Variants in NAV1 observed in about 807,000 individuals in gnomAD.
The protein encoded by NAV1 is pore membrane and/or filament interacting like protein 3.
In NAV1, 18 loss-of-function variants were observed where a neutral mutation model predicts 175.2. That is an observed-to-expected ratio of 0.10 (90% CI 0.07 to 0.15). The LOEUF is 0.15. NAV1 is among the 10% of genes least tolerant of loss of function. NAV1 has a pLI of 1.00. For synonymous variants in NAV1, 897 were observed against 978.7 expected (o/e 0.92, Z 1.56); for missense variants, 1,731 against 2,436.6 (o/e 0.71, Z 6.10).
rs1234759085 is a variant in NAV1 at position 201,740,091 on chromosome 1, C to A, written c.1226+21336C>A. 2 of 1,437,796 alleles carry A rather than the reference C, an allele frequency of 1.4e-6. No homozygotes were observed. The highest frequency in any genetic ancestry group is 2.9e-5 in the Admixed American group (1 of 33,926). 89.1% of individuals were successfully genotyped at this position (1,437,796 alleles called of 1,614,324 possible). On this transcript the variant is annotated intron_variant, in intron 3 of 29. Transcript: ENST00000367296. The surrounding 1 kb of genome is among the most constrained non-coding windows in gnomAD (Gnocchi z 4.7). ...TTCCCCCGCAGGTAAGCGCCCCCAC[C>A]CCCCTGGCCTCACCGCCAGACCGCA...
chr1:201,551,449 G>T (rs1486664613), intron 1 of NAV1, among the ~76,000 whole-genome samples: 2 of 152,074 alleles, frequency 1.3e-5, no homozygotes, highest in African/African-American at 4.8e-5. Flanking sequence ...GGCTGGTCTG[G>T]AACTCCGAGG....
chr1:201,573,436 A>G (rs1487455877), intron 1 of NAV1, among the ~76,000 whole-genome samples: 1 of 152,182 alleles, frequency 6.6e-6, no homozygotes, highest in Non-Finnish European at 1.5e-5. Context: ...AAGTGGAGCC[A>G]TGTGACCCCA....
intron 1 of NAV1, among the ~76,000 whole-genome samples, chr1:201,541,887 A>T (rs997628544): frequency 6.6e-6 from 1 of 152,228 alleles, no homozygotes; most frequent in Non-Finnish European, 1.5e-5. Flanking sequence ...GTGGCCTAGA[A>T]TAGAAAAATC....
intron 7 of NAV1, 123 bp from the exon 12 acceptor site, chr1:201,785,187 T>C (rs1370844894): frequency 5.4e-6 from 5 of 927,374 alleles, no homozygotes; most frequent in South Asian, 1.7e-5. Context: ...AAGCAGGTCA[T>C]AGTTTGATGT....
chr1:201,605,084 A>G (rs1487501242), intron 2 of NAV1, among the ~76,000 whole-genome samples: 3 of 151,020 alleles, frequency 2.0e-5, no homozygotes, highest in African/African-American at 7.3e-5. Context: ...CACATACACA[A>G]ACGATGACCC....
At chr1:201,776,845 A>G (rs1339914306) in intron 3 of NAV1, among the ~76,000 whole-genome samples, 1 of 151,566 alleles carries the variant, frequency 6.6e-6, no homozygotes, top group Non-Finnish European at 1.5e-5. Flanking sequence ...AGCATCCGGT[A>G]AAGTACCCAA....
Position 201,780,402 on chromosome 1 carries a change from C to T in NAV1, c.1227-19C>T, listed in dbSNP as rs763979486. The T allele has an allele frequency of 1.9e-6, 3 of 1,613,822 alleles. No individual in the cohort carries two copies. The Admixed American group carries it at 5.0e-5, about 27-fold the overall frequency. On this transcript the variant is annotated intron_variant, in intron 3 of 29. Transcript: ENST00000367296. ...GGCTTCTGTTTTAACGATTGACCTTCATCTCTCCTGTCCTGTAGCTGGGAT... is the reference window on the plus strand; with the variant it reads ...GGCTTCTGTTTTAACGATTGACCTTTATCTCTCCTGTCCTGTAGCTGGGAT...
intron 1 of NAV1, among the ~76,000 whole-genome samples, chr1:201,701,136 A>G (rs1330752495): frequency 6.6e-6 from 1 of 151,806 alleles, no homozygotes; most frequent in Non-Finnish European, 1.5e-5. Flanking sequence ...GCTGGAAACC[A>G]TCATTCTGAG....
intron 1 of NAV1, among the ~76,000 whole-genome samples, chr1:201,708,522 A>G (rs1345554399): frequency 6.6e-6 from 1 of 151,716 alleles, no homozygotes. Context: ...GACAGCACGC[A>G]CTCCCAGGCC....
chr1:201,601,524 G>A (rs1184235583), intron 2 of NAV1, among the ~76,000 whole-genome samples: 1 of 152,110 alleles, frequency 6.6e-6, no homozygotes, highest in Non-Finnish European at 1.5e-5. Flanking sequence ...ATTAGACAGT[G>A]GGACCTTTAG....
chr1:201,607,870 TTGTGTGTGTGTGTGTGTGTGTG>T (rs57110688), intron 2 of NAV1, among the ~76,000 whole-genome samples: 2 of 138,192 alleles, frequency 1.4e-5, no homozygotes, highest in African/African-American at 5.5e-5. Flanking sequence ...GATAACTTTA[TTGTGTGTGTGTGTGTGTGTGTG>T]TGTGTGTGTG....
intron 3 of NAV1, among the ~76,000 whole-genome samples, chr1:201,764,310 T>G (rs1246212469): frequency 6.6e-6 from 1 of 152,218 alleles, no homozygotes; most frequent in Non-Finnish European, 1.5e-5. Context: ...GTTTATTTTC[T>G]CACAGTTCCG....
At chr1:201,695,866 C>T (rs930431618) in intron 1 of NAV1, among the ~76,000 whole-genome samples, 4 of 152,238 alleles carry the variant, frequency 2.6e-5, no homozygotes, top group Admixed American at 6.5e-5. Context: ...CCGGCTGCAC[C>T]GCTGGTTCTG....
chr1:201,584,005 C>T (rs1262291200), intron 1 of NAV1, among the ~76,000 whole-genome samples: 2 of 152,248 alleles, frequency 1.3e-5, no homozygotes, highest in African/African-American at 4.8e-5. Context: ...GGATCATCTC[C>T]AAGATCCTTT....
At chr1:201,820,186 G>T in exon 30 of NAV1, 1 of 393,384 alleles carries the variant, frequency 2.5e-6, no homozygotes, top group Non-Finnish European at 4.6e-6. Context: ...TAATGACTTT[G>T]GGGAAAAGAT....
intron 1 of NAV1, among the ~76,000 whole-genome samples, chr1:201,699,775 A>G (rs1014290762): frequency 2.6e-5 from 4 of 152,302 alleles, no homozygotes; most frequent in South Asian, 2.1e-4. Context: ...AGAGGCCTCA[A>G]AAATAACACC....
At chr1:201,742,559 T>C (rs932883440) in intron 3 of NAV1, among the ~76,000 whole-genome samples, 1 of 152,124 alleles carries the variant, frequency 6.6e-6, no homozygotes, top group Non-Finnish European at 1.5e-5. Flanking sequence ...AACACTGTTC[T>C]TCAGTGTCTT....
At chr1:201,567,399 A>C (rs1263053954) in intron 1 of NAV1, among the ~76,000 whole-genome samples, 2 of 152,318 alleles carry the variant, frequency 1.3e-5, no homozygotes, top group East Asian at 3.9e-4. Context: ...GAGCTGGGCC[A>C]CTGGGTGAAG....
intron 3 of NAV1, among the ~76,000 whole-genome samples, chr1:201,745,830 G>GTATT (rs201425841): frequency 0.016 from 2,499 of 152,142 alleles, 58 homozygotes; most frequent in African/African-American, 0.052. Flanking sequence ...TAATTTTATT[G>GTATT]TATTTATTTA....
Sources: allele counts gnomAD v4.1 joint callset (sites outside exome capture counted in the v4.1 genomes callset), GRCh38; gene constraint gnomAD v4.1.1; non-coding constraint Gnocchi (gnomAD v3.1); transcripts MANE v1.5; gene names NCBI Gene and HGNC (gene_info 2026-07-23, HGNC 2026-07-21).